RAP1B: variants seen among roughly 807,000 people sequenced by gnomAD.
The protein encoded by RAP1B is RAP1B, member of RAS oncogene family.
In RAP1B, 1 loss-of-function variant was observed where a neutral mutation model predicts 27.5. The ratio of observed to expected loss-of-function variants is 0.04; its 90% CI spans 0.01 to 0.17. The LOEUF is 0.17. RAP1B is among the 10% of genes least tolerant of loss of function. The pLI is 1.00. For missense variants in RAP1B, 84 were observed against 214.8 expected (o/e 0.39, Z 3.81); for synonymous variants, 75 against 73.1 (o/e 1.03, Z -0.13).
intron 5 of RAP1B, among the ~76,000 whole-genome samples, chr12:68,655,294 G>T (rs1171830395): frequency 6.6e-6 from 1 of 152,184 alleles, no homozygotes. Context: ...ACTCCATCTA[G>T]GGTGACATAG....
intron 1 of RAP1B, among the ~76,000 whole-genome samples, chr12:68,646,074 G>A (rs1873386057): frequency 6.6e-6 from 1 of 152,186 alleles, no homozygotes; most frequent in South Asian, 2.1e-4. Context: ...GGGAAAAAGA[G>A]TCCCAGTCAC....
At position 68,660,661 on chromosome 12, in the gene RAP1B, C is replaced by T. The variant is rs555188252; in HGVS notation, c.*1412C>T. The T allele has an allele frequency of 3.3e-5, 5 of 152,518 alleles. No homozygotes were observed. The South Asian group carries it at 6.2e-4, about 19-fold the overall frequency. The allele number at this position is 152,518 out of a possible 1,614,324, so 9.4% of individuals were successfully genotyped here. On this transcript the variant is annotated 3_prime_UTR_variant, in exon 8 of 8. Coordinates refer to ENST00000250559, the MANE Select transcript of RAP1B (RefSeq NM_001010942.3). The stretch of plus-strand genomic sequence containing the variant: ...ATTTAACATCTGGGCAAGCCAGACT[C>T]ATTAATTACAGGAATAAGGAAGTAG...
intron 1 of RAP1B, among the ~76,000 whole-genome samples, chr12:68,614,472 T>A (rs1244104098): frequency 6.6e-6 from 1 of 152,224 alleles, no homozygotes; most frequent in East Asian, 1.9e-4. Flanking sequence ...CATTTATGAA[T>A]TAGCTATTTA....
chr12:68,617,036 A>T (rs774557560), intron 1 of RAP1B, among the ~76,000 whole-genome samples: 8 of 152,222 alleles, frequency 5.3e-5, no homozygotes, highest in African/African-American at 9.6e-5. Context: ...TCTGGAAAGG[A>T]AATGGAAAAT....
intron 5 of RAP1B, among the ~76,000 whole-genome samples, chr12:68,654,534 C>G (rs1237998400): frequency 6.6e-6 from 1 of 151,692 alleles, no homozygotes. Flanking sequence ...CACTGTTGCC[C>G]AGGCTGAAGT....
intron 1 of RAP1B, among the ~76,000 whole-genome samples, chr12:68,638,144 C>T (rs201479149): frequency 6.6e-6 from 1 of 152,132 alleles, no homozygotes; most frequent in East Asian, 1.9e-4. Context: ...TGACACTTGG[C>T]TCACTAGTCC....
intron 2 of RAP1B, chr12:68,648,990 G>T: frequency 2.0e-6 from 1 of 495,872 alleles, no homozygotes; most frequent in Non-Finnish European, 3.5e-6. Context: ...AATGACACGA[G>T]TTATGCTGGA....
chr12:68,641,746 G>T (rs952295970), intron 1 of RAP1B, among the ~76,000 whole-genome samples: 2 of 151,434 alleles, frequency 1.3e-5, no homozygotes, highest in African/African-American at 4.9e-5. Context: ...AAATACTTAT[G>T]CATTTGAAAA....
intron 2 of RAP1B, 179 bp from the exon 3 acceptor site, chr12:68,650,221 A>G: frequency 2.1e-6 from 1 of 470,872 alleles, no homozygotes; most frequent in Non-Finnish European, 3.5e-6. Flanking sequence ...TTATTTAAAA[A>G]TAAACAGCTT....
chr12:68,627,674 A>G (rs1871908462), intron 1 of RAP1B, among the ~76,000 whole-genome samples: 1 of 152,122 alleles, frequency 6.6e-6, no homozygotes, highest in Non-Finnish European at 1.5e-5. Context: ...TAACAGAAAC[A>G]TAATACCTAA....
intron 1 of RAP1B, among the ~76,000 whole-genome samples, chr12:68,645,515 C>T (rs1592456092): frequency 7.3e-6 from 1 of 137,670 alleles, no homozygotes; most frequent in East Asian, 1.9e-4. Flanking sequence ...GAGCTAAGGA[C>T]TTCAGGAAAA....
At position 68,664,628 on chromosome 12, in the gene RAP1B, G is replaced by C. The variant is rs373911101; in HGVS notation, c.*5379G>C. The stretch of plus-strand genomic sequence containing the variant: ...GGAGGCTGAGGCAGGAGAATCACTT[G>C]AACCTGGGAGGCCGAGGTTGCAGTG... On this transcript the variant is annotated 3_prime_UTR_variant, in exon 8 of 8. Coordinates refer to ENST00000250559, the MANE Select transcript of RAP1B (RefSeq NM_001010942.3). The C allele has an allele frequency of 9.9e-5, 15 of 152,278 alleles. No homozygotes were observed. The South Asian group carries it at 1.9e-3, about 19-fold the overall frequency. The allele number at this position is 152,278 out of a possible 1,614,324, so 9.4% of individuals were successfully genotyped here.
At chr12:68,637,936 G>A (rs891210438) in intron 1 of RAP1B, among the ~76,000 whole-genome samples, 3 of 151,814 alleles carry the variant, frequency 2.0e-5, no homozygotes, top group Non-Finnish European at 4.4e-5. Flanking sequence ...TTTTTAATGA[G>A]TTAATTTGTT....
At position 68,666,211 on chromosome 12, in the gene RAP1B, T is replaced by C. The variant is rs1351826963; in HGVS notation, c.*6962T>C. The C allele has an allele frequency of 6.6e-6, 1 of 152,248 alleles. No individual in the cohort carries two copies. The highest frequency in any genetic ancestry group is 6.5e-5 in the Admixed American group (1 of 15,288). The allele number at this position is 152,248 out of a possible 1,614,324, so 9.4% of individuals were successfully genotyped here. ...TCTACTTCCCCAGTAATGTAAACTT[T>C]ATTTTCTCTCAATTTTCGTAAGTGG... On this transcript the variant is annotated 3_prime_UTR_variant, in exon 8 of 8. Transcript: ENST00000250559.
At chr12:68,621,943 C>T (rs1421390248) in intron 1 of RAP1B, among the ~76,000 whole-genome samples, 1 of 152,100 alleles carries the variant, frequency 6.6e-6, no homozygotes, top group Non-Finnish European at 1.5e-5. Context: ...ATTTCATTGT[C>T]CTCATATGTT....
chr12:68,626,900 A>G, intron 1 of RAP1B: 1 of 1,573,014 alleles, frequency 6.4e-7, no homozygotes, highest in South Asian at 1.1e-5. Flanking sequence ...ACTTGTCCAC[A>G]GGGCCACGAT....
In RAP1B at chr12:68,666,442, G is replaced by A. The variant is rs1225786856; in HGVS notation, c.*7193G>A. ...AAATGTACTCTTTCACAGTTCTGAA[G>A]GTCGAAGTCCAAAATCAAAGTGTTA... is the stretch of plus-strand genomic sequence containing the variant. On this transcript the variant is annotated 3_prime_UTR_variant, in exon 8 of 8. Coordinates refer to ENST00000250559, the MANE Select transcript of RAP1B (RefSeq NM_001010942.3). 1.3e-5 allele frequency: 2 copies of A among 152,226 alleles called. No homozygotes were observed. The highest frequency in any genetic ancestry group is 3.8e-4 in the East Asian group (2 of 5,196). The allele number at this position is 152,226 out of a possible 1,614,324, so 9.4% of individuals were successfully genotyped here.
At chr12:68,629,512 T>G (rs1872079589) in intron 1 of RAP1B, among the ~76,000 whole-genome samples, 1 of 152,210 alleles carries the variant, frequency 6.6e-6, no homozygotes, top group African/African-American at 2.4e-5. Context: ...TTTAACCACT[T>G]GAAGAATCTA....
rs976069734 is a variant in RAP1B, at chr12:68,670,418, A to C, written c.*11169A>C. The C allele has an allele frequency of 6.6e-6, 1 of 152,246 alleles. No homozygotes were observed. Among genetic ancestry groups the C allele is most frequent in the Non-Finnish European group, 1.5e-5 (1 of 68,048 alleles). The allele number at this position is 152,246 out of a possible 1,614,324, so 9.4% of individuals were successfully genotyped here. On this transcript the variant is annotated 3_prime_UTR_variant, in exon 8 of 8. Coordinates refer to ENST00000250559, the MANE Select transcript of RAP1B (RefSeq NM_001010942.3). The stretch of plus-strand genomic sequence containing the variant: ...CTTAGAAGAAAATCTAAGAGACTAG[A>C]AATCTAGAGATAGGGTAGACCTTCT...
Sources: allele counts gnomAD v4.1 joint callset (sites outside exome capture counted in the v4.1 genomes callset), GRCh38; gene constraint gnomAD v4.1.1; transcripts MANE v1.5; gene names NCBI Gene and HGNC (gene_info 2026-07-23, HGNC 2026-07-21).